Variants in POMGNT1 observed in about 807,000 individuals in gnomAD.
POMGNT1 encodes protein O-linked-mannose beta-1,2-N-acetylglucosaminyltransferase 1.
Under a neutral mutation model 95.6 loss-of-function variants are expected in POMGNT1, and 67 were observed. The ratio of observed to expected loss-of-function variants is 0.70; its 90% CI spans 0.58 to 0.86. The LOEUF (loss-of-function observed/expected upper bound fraction) is 0.86. Ranked by LOEUF, POMGNT1 falls within the 40% of genes least tolerant of loss-of-function variation. The pLI is 0.00. For synonymous variants in POMGNT1, 298 were observed against 317.9 expected (o/e 0.94, Z 0.66); for missense variants, 719 against 855.2 (o/e 0.84, Z 1.99).
intron 20 of POMGNT1, 37 bp downstream of exon 20, chr1:46,189,817 G>T (rs1657609061): frequency 1.2e-6 from 2 of 1,612,674 alleles, no homozygotes; most frequent in South Asian, 1.1e-5. Flanking sequence ...TGTGTGAGGG[G>T]GAGGGGTTCT....
At position 46,196,821 on chromosome 1, in the gene POMGNT1, T is replaced by TG; in HGVS notation, c.263dup (p.Arg89ThrfsTer35). 6.2e-7 allele frequency: 1 copy of TG among 1,614,172 alleles called. No homozygotes were observed. The highest frequency in any genetic ancestry group is 8.5e-7 in the Non-Finnish European group (1 of 1,180,030). The stretch of plus-strand genomic sequence containing the variant: ...GCCGGGGACCACTGCCTCTGCGCCG[T>TG]GGGGGCTCCAGGCGGCCTAGGGCCT... On this transcript the variant is annotated frameshift_variant, in exon 4 of 22. Coordinates refer to ENST00000371984, the MANE Select transcript of POMGNT1 (RefSeq NM_017739.4). LOFTEE classifies it high-confidence loss of function. The surrounding 1 kb of genome is among the most constrained non-coding windows in gnomAD (Gnocchi z 4.4).
intron 1 of POMGNT1, among the ~76,000 whole-genome samples, chr1:46,207,606 T>TCGG (rs1357098047): frequency 6.6e-6 from 1 of 151,860 alleles, no homozygotes; most frequent in Non-Finnish European, 1.5e-5. Flanking sequence ...TGGTGCGATC[T>TCGG]CGGCTCACTG....
Position 46,193,567 on chromosome 1 carries a change from ATAG to A in POMGNT1, c.1020_1022del (p.Tyr341del), listed in dbSNP as rs2148194204. The stretch of plus-strand genomic sequence containing the variant: ...GCACCCCCCAAGTCCTGCTCACCTC[ATAG>A]TAGCCGTCAATGAAAACTGTTATCA... On this transcript the variant is annotated inframe_deletion, in exon 11 of 22. Transcript: ENST00000371984. The A allele has an allele frequency of 7.4e-6, 12 of 1,614,140 alleles. No individual in the cohort carries two copies. Among genetic ancestry groups the A allele is most frequent in the Non-Finnish European group, 9.3e-6 (11 of 1,179,994 alleles).
At chr1:46,189,728 G>C in intron 20 of POMGNT1, 126 bp downstream of exon 20, 1 of 1,554,404 alleles carries the variant, frequency 6.4e-7, no homozygotes, top group Non-Finnish European at 8.7e-7. Context: ...GGTTGGAAGA[G>C]GTGTTCTAAG....
chr1:46,193,462 C>A (rs530310059), intron 11 of POMGNT1, 74 bp from the exon 12 acceptor site: 86 of 1,608,190 alleles, frequency 5.3e-5, no homozygotes, highest in Non-Finnish European at 3.3e-5. Flanking sequence ...AAGGCCTTCA[C>A]ATTTCACAGC....
chr1:46,190,809 T>G (rs1353726569), intron 17 of POMGNT1, 25 bp from the exon 18 acceptor site: 22 of 1,584,768 alleles, frequency 1.4e-5, no homozygotes, highest in Non-Finnish European at 1.9e-5. Context: ...AGAGTGAAAA[T>G]CAGCACCTCA....
upstream of POMGNT1, among the ~76,000 whole-genome samples, chr1:46,202,402 C>T (rs1658560135): frequency 6.6e-6 from 1 of 151,936 alleles, no homozygotes; most frequent in Non-Finnish European, 1.5e-5. Flanking sequence ...ATTAGAAATG[C>T]AGGATCTTGG....
chr1:46,194,483 G>A, intron 8 of POMGNT1, 70 bp downstream of exon 8: 2 of 1,614,118 alleles, frequency 1.2e-6, no homozygotes, highest in Non-Finnish European at 8.5e-7. Flanking sequence ...AAGGAATAAA[G>A]CTCCACAGAG....
At chr1:46,191,214 G>A in intron 17 of POMGNT1, 1 of 291,264 alleles carries the variant, frequency 3.4e-6, no homozygotes, top group South Asian at 3.5e-5. Flanking sequence ...CCCTCTCTGG[G>A]AGAGGAATGG....
intron 6 of POMGNT1, chr1:46,195,397 C>A: frequency 5.3e-6 from 2 of 374,446 alleles, no homozygotes; most frequent in South Asian, 4.4e-5. Context: ...CAGCTTTCTG[C>A]TCACATATCA....
chr1:46,193,184 T>C lies in POMGNT1; in HGVS notation c.1142A>G (p.Asn381Ser), dbSNP rs140846775. Residue 381 changes from asparagine to serine, a missense_variant, in exon 13 of 22, where the codon AAC becomes AGC. Transcript: ENST00000371984. ...ATCCTTAGTACTCACCGGAAACAGG[T>C]TGAAAGTGGCAGTGAGGCTGGCCTT... ...HYKASLTATF[N>S]LFPEAKFAVV... 39 of 1,613,954 alleles carry C rather than the reference T, an allele frequency of 2.4e-5. No homozygotes were observed. The African/African-American group carries it at 3.3e-4, about 14-fold the overall frequency.
chr1:46,210,966 G>A (rs989204401), intron 1 of POMGNT1, among the ~76,000 whole-genome samples: 2 of 146,716 alleles, frequency 1.4e-5, no homozygotes, highest in Admixed American at 1.4e-4. Flanking sequence ...TTTTGGTAGA[G>A]ACAGGGTTTC....
At position 46,194,362 on chromosome 1, in the gene POMGNT1, C is replaced by G; in HGVS notation, c.791G>C (p.Arg264Pro). The G allele has an allele frequency of 1.2e-6, 2 of 1,614,194 alleles. No individual in the cohort carries two copies. The highest frequency in any genetic ancestry group is 2.7e-5 in the African/African-American group (2 of 75,048). The part of the protein sequence containing the change: ...CHWADTELNR[R>P]RRRFCSKVEG... ...AACTTTGCTGCAGAAGCGCCGGCGG[C>G]GACGGTTCAGCTCTGTGTCTGCCCA... Residue 264 changes from arginine (R) to proline (P), a missense_variant, in exon 9 of 22, where the codon CGC (arginine) becomes CCC (proline). Coordinates refer to ENST00000371984, the MANE Select transcript of POMGNT1 (RefSeq NM_017739.4).
chr1:46,219,759 A>G (rs371326152), exon 1 of POMGNT1: 2 of 1,613,540 alleles, frequency 1.2e-6, no homozygotes, highest in Non-Finnish European at 8.5e-7. Context: ...GAATGAGGGC[A>G]TCGAGGCAGT....
At chr1:46,194,000 CAGGTG>C in intron 9 of POMGNT1, 75 bp from the exon 10 acceptor site, 1 of 1,593,506 alleles carries the variant, frequency 6.3e-7, no homozygotes, top group Non-Finnish European at 8.5e-7. Context: ...GAAGACTTCT[CAGGTG>C]AGGGTAGGTG....
chr1:46,211,881 C>T (rs1658908152), intron 1 of POMGNT1, among the ~76,000 whole-genome samples: 1 of 152,154 alleles, frequency 6.6e-6, no homozygotes, highest in African/African-American at 2.4e-5. Flanking sequence ...CCTGCCTCAG[C>T]CTCCTGAGTA....
At chr1:46,219,589 C>A in intron 1 of POMGNT1, 2 of 1,202,640 alleles carry the variant, frequency 1.7e-6, no homozygotes, top group Non-Finnish European at 2.3e-6. Context: ...ATAATTCCAT[C>A]CGTCTTAAAG....
In POMGNT1 at chr1:46,189,545, TC is replaced by T; in HGVS notation, c.1807del (p.Asp603MetfsTer20). 2 of 1,612,552 alleles carry T rather than the reference TC, an allele frequency of 1.2e-6. No individual in the cohort carries two copies. The highest frequency in any genetic ancestry group is 1.7e-6 in the Non-Finnish European group (2 of 1,179,340). On this transcript the variant is annotated frameshift_variant, in exon 21 of 22. Transcript: ENST00000371984. LOFTEE classifies it high-confidence loss of function. Reference protein sequence around the residue: ...LAKCLHIWDLDVRGNHRGLWR... With the variant: ...LAKCLHIWDLXVRGNHRGLWR... ...CAGGCCCCGATGGTTGCCACGCACA[TC>T]CAGGTCCCAGATATGGAGGCACTAG...
In POMGNT1 at chr1:46,196,796, G is replaced by A. The variant is rs564076183; in HGVS notation, c.289C>T (p.Arg97Trp). Residue 97 changes from arginine (R) to tryptophan (W), a missense_variant, in exon 4 of 22, where the codon CGG (arginine) becomes TGG (tryptophan). By Grantham distance (101) the Arg-to-Trp change is moderately radical (BLOSUM62 -3). Around this residue, in one of 5 missense-constraint regions of POMGNT1, gnomAD observed 466 missense variants for 517.4 expected, o/e 0.90. Coordinates refer to ENST00000371984, the MANE Select transcript of POMGNT1 (RefSeq NM_017739.4). This position sits in a 1 kb window ranked among gnomAD's most constrained non-coding sequence, Gnocchi z 4.4. ...PPRRRGSGPRRVLDVEVYSSR... is the reference protein window; with the variant it reads ...PPRRRGSGPRWVLDVEVYSSR... ...GAATACACCTCTACGTCCAGGACCC[G>A]CCGGGGACCACTGCCTCTGCGCCGT... The A allele has an allele frequency of 1.4e-4, 222 of 1,614,206 alleles. 5 individuals carry two copies. The South Asian group carries it at 2.2e-3, about 16-fold the overall frequency.
Sources: gnomAD v4.1 joint callset for allele counts (sites outside exome capture counted in the v4.1 genomes callset) on GRCh38, gnomAD v4.1.1 for gene constraint, gnomAD v4.1.1 regional missense constraint, Gnocchi (gnomAD v3.1) non-coding constraint, MANE v1.5 for transcripts, NCBI Gene and HGNC (gene_info 2026-07-23, HGNC 2026-07-21) for gene names.